The following TDRD1 variants were observed in gnomAD, a reference collection of about 807,000 sequenced individuals.
The protein encoded by TDRD1 is tudor domain-containing protein 1.
A neutral mutation model predicts 140.6 loss-of-function variants in TDRD1; 37 were observed. The observed-to-expected ratio is 0.26, with a 90% CI of 0.20 to 0.35. The LOEUF (loss-of-function observed/expected upper bound fraction) is 0.35. TDRD1 is among the 10% of genes least tolerant of loss of function. The pLI, the probability that TDRD1 is intolerant of heterozygous loss-of-function variation, is 1.00. For synonymous variants in TDRD1, 506 were observed against 475.7 expected (o/e 1.06, Z -0.83); for missense variants, 1,243 against 1,393.0 (o/e 0.89, Z 1.71).
Position 114,217,644 on chromosome 10 carries a change from C to CT in TDRD1, c.2319dup (p.Ala774CysfsTer3). The CT allele has an allele frequency of 5.7e-6, 9 of 1,591,126 alleles. No homozygotes were observed. Among genetic ancestry groups the CT allele is most frequent in the African/African-American group, 2.7e-5 (2 of 74,156 alleles). ...GCAGAGATAGGACAACCTTGTTGTG[C>CT]TTTTTTTGCAGGTAAGTTGCAATTG... On this transcript the variant is annotated frameshift_variant, in exon 17 of 26. Transcript: ENST00000251864. LOFTEE classifies it high-confidence loss of function.
intron 1 of TDRD1, among the ~76,000 whole-genome samples, chr10:114,187,075 GT>G (rs1443931756): frequency 6.6e-6 from 1 of 152,178 alleles, no homozygotes; most frequent in Non-Finnish European, 1.5e-5. Context: ...TTCTTTAAGA[GT>G]AACGGAAAAA....
chr10:114,203,210 A>T (rs1299490013), intron 7 of TDRD1, 34 bp downstream of exon 7: 1 of 1,536,966 alleles, frequency 6.5e-7, no homozygotes, highest in East Asian at 2.3e-5. Flanking sequence ...ATAGACACAG[A>T]TCCAGAGAAC....
At chr10:114,187,378 G>A (rs150346438) in intron 1 of TDRD1, among the ~76,000 whole-genome samples, 1,558 of 152,238 alleles carry the variant, frequency 0.01, 23 homozygotes, top group Non-Finnish European at 0.013. Flanking sequence ...GCATATTCAA[G>A]GATTAGATAT....
At chr10:114,204,004 T>G in intron 8 of TDRD1, 69 bp from the exon 9 acceptor site, 1 of 1,545,616 alleles carries the variant, frequency 6.5e-7, no homozygotes, top group Admixed American at 2.2e-5. Flanking sequence ...ATAGATTGAT[T>G]GAGGGTTTTT....
At chr10:114,175,047 G>A (rs1352202563), upstream of TDRD1, among the ~76,000 whole-genome samples, 1 of 152,186 alleles carries the variant, frequency 6.6e-6, no homozygotes, top group Non-Finnish European at 1.5e-5. Context: ...ACTTACTACT[G>A]TTCTGTTAAG....
chr10:114,225,560 A>T (rs1004796361), intron 21 of TDRD1, among the ~76,000 whole-genome samples: 3 of 57,342 alleles, frequency 5.2e-5, no homozygotes, highest in South Asian at 4.2e-4. Context: ...TACGCATTTA[A>T]AAAAAAAAAA....
At chr10:114,229,014 C>A (rs970189087) in intron 25 of TDRD1, among the ~76,000 whole-genome samples, 1 of 151,972 alleles carries the variant, frequency 6.6e-6, no homozygotes, top group African/African-American at 2.4e-5. Context: ...ATCCAGGAGG[C>A]GGCGGTTGCA....
chr10:114,227,860 C>T, intron 23 of TDRD1, 50 bp from the exon 24 acceptor site: 1 of 1,511,436 alleles, frequency 6.6e-7, no homozygotes, highest in Non-Finnish European at 9.2e-7. Context: ...CCAAGTTTTT[C>T]TTCTTTACAT....
chr10:114,219,632 G>C (rs1480168244), intron 18 of TDRD1, among the ~76,000 whole-genome samples: 1 of 148,410 alleles, frequency 6.7e-6, no homozygotes, highest in Non-Finnish European at 1.5e-5. Context: ...TTGTTGCCCA[G>C]GCTGGAGTGC....
chr10:114,195,775 C>T (rs1257937164), intron 3 of TDRD1, among the ~76,000 whole-genome samples: 2 of 152,196 alleles, frequency 1.3e-5, no homozygotes, highest in African/African-American at 2.4e-5. Context: ...AGACCGTTTA[C>T]ATTTGATGTA....
intron 21 of TDRD1, among the ~76,000 whole-genome samples, chr10:114,222,994 C>A (rs3888629): frequency 0.058 from 8,807 of 152,258 alleles, 320 homozygotes; most frequent in Non-Finnish European, 0.079. Context: ...CATTACATTT[C>A]TTTATGGAGG....
rs757764094 is a variant in TDRD1 at position 114,203,068 on chromosome 10, C to G, written c.697-4C>G. 1.0e-5 allele frequency: 16 copies of G among 1,606,532 alleles called. No homozygotes were observed. The African/African-American group carries it at 2.0e-4, about 20-fold the overall frequency. Reference sequence around the variant, plus strand: ...ACTCACTTCTGTGGTATTTTTCAAACCAGAGTGACTGTCCACTTGGAGTTA... The same window carrying G: ...ACTCACTTCTGTGGTATTTTTCAAAGCAGAGTGACTGTCCACTTGGAGTTA... On this transcript the variant is annotated splice_polypyrimidine_tract_variant and splice_region_variant and intron_variant, in intron 6 of 25. Transcript: ENST00000251864.
At chr10:114,188,230 A>G in intron 2 of TDRD1, 74 bp downstream of exon 2, 2 of 1,315,532 alleles carry the variant, frequency 1.5e-6, no homozygotes, top group South Asian at 3.0e-5. Context: ...ATATATAACC[A>G]CACACCAGTG....
chr10:114,204,935 T>A (rs760325016), intron 10 of TDRD1, 42 bp downstream of exon 10: 27 of 1,495,106 alleles, frequency 1.8e-5, no homozygotes, highest in Non-Finnish European at 2.1e-5. Context: ...ATAGGATATG[T>A]AGTTTCCACC....
At chr10:114,228,169 C>A in intron 25 of TDRD1, 1 of 1,524,580 alleles carries the variant, frequency 6.6e-7, no homozygotes, top group Admixed American at 2.2e-5. Context: ...TCTGTGATCA[C>A]CAATAGGACA....
chr10:114,223,497 G>C (rs951341703), intron 21 of TDRD1, among the ~76,000 whole-genome samples: 4 of 152,220 alleles, frequency 2.6e-5, no homozygotes, highest in Admixed American at 1.3e-4. Flanking sequence ...TTTGTGATTA[G>C]ATGGGCACCA....
rs543241772 is a variant in TDRD1, at chr10:114,229,047, C to T, written c.3538+922C>T. On this transcript the variant is annotated intron_variant, in intron 25 of 25. Transcript: ENST00000251864. ...GCAGTGAGCCAAGACTGCTATTATA[C>T]TCCAGCCTGGGTGACAGAGTGAGAG... is the stretch of plus-strand genomic sequence containing the variant. Among the ~76,000 whole-genome samples, 287 of 152,098 alleles carry T rather than the reference C, an allele frequency of 1.9e-3. 2 individuals are homozygous for T. The highest frequency in any genetic ancestry group is 3.4e-3 in the Non-Finnish European group (230 of 67,994).
intron 5 of TDRD1, 44 bp downstream of exon 5, chr10:114,201,559 G>T (rs780558201): frequency 8.5e-6 from 13 of 1,532,484 alleles, no homozygotes; most frequent in Non-Finnish European, 1.2e-5. Context: ...TTATGTAAAA[G>T]GTTCTGATAC....
chr10:114,203,192 C>T lies in TDRD1; in HGVS notation c.801+16C>T, dbSNP rs780407764. ...GGAAATAAAGGTATTTGTTTTTCTT[C>T]AATCTCCATAGACACAGATCCAGAG... On this transcript the variant is annotated intron_variant, in intron 7 of 25. Transcript: ENST00000251864. The T allele has an allele frequency of 1.9e-6, 3 of 1,580,348 alleles. No individual in the cohort carries two copies. The highest frequency in any genetic ancestry group is 2.2e-5 in the South Asian group (2 of 90,228).
Sources: allele counts gnomAD v4.1 joint callset (sites outside exome capture counted in the v4.1 genomes callset), GRCh38; gene constraint gnomAD v4.1.1; transcripts MANE v1.5; gene names NCBI Gene and HGNC (gene_info 2026-07-23, HGNC 2026-07-21).